Variants in PRKX observed in about 807,000 individuals in gnomAD.
The protein encoded by PRKX is protein kinase cAMP-dependent X-linked catalytic subunit, also known as cAMP-dependent protein kinase catalytic subunit PRKX.
PRKX carries 12 observed loss-of-function variants against 22.0 expected under a neutral mutation model. That is an observed-to-expected ratio of 0.54 (90% CI 0.35 to 0.88). The LOEUF is 0.88. PRKX is among the 40% of genes least tolerant of loss of function. The probability of loss-of-function intolerance (pLI) is 0.01; values close to 1 mark genes in which losing one functional copy is unlikely to be tolerated. For missense variants in PRKX, 217 were observed against 308.0 expected, an observed-to-expected ratio of 0.70 and a Z score of 2.21; for synonymous variants, 134 against 137.7, an observed-to-expected ratio of 0.97 and a Z score of 0.19.
chrX:3,677,424 G>A (rs1927985609), intron 1 of PRKX, among the ~76,000 whole-genome samples: 1 of 105,356 alleles, frequency 9.5e-6, no homozygotes, highest in African/African-American at 3.5e-5. Context: ...TGACCTGCCA[G>A]GCTCAAGTGA....
Position 3,683,491 on chromosome X carries a change from C to T in PRKX, c.167-8725G>A, listed in dbSNP as rs1213304852. Among the ~76,000 whole-genome samples, 6 of 110,632 alleles carry T rather than the reference C, an allele frequency of 5.4e-5. No individual in the cohort carries two copies. The Admixed American group carries it at 5.8e-4, about 11-fold the overall frequency. On this transcript the variant is annotated intron_variant, in intron 1 of 8. Coordinates refer to ENST00000262848, the MANE Select transcript of PRKX (RefSeq NM_005044.5). ...GTCCACAACGCAGAGCCGCCCCAAA[C>T]ATGGGAGAAGACAGAAGTCTTCAAA...
chrX:3,712,428 G>A (rs777323075), intron 1 of PRKX, among the ~76,000 whole-genome samples: 1 of 111,416 alleles, frequency 9.0e-6, no homozygotes. Context: ...CCCATTCGGG[G>A]TTAAGTTCAA....
At chrX:3,671,788 G>C (rs1160533122) in intron 2 of PRKX, among the ~76,000 whole-genome samples, 1 of 110,885 alleles carries the variant, frequency 9.0e-6, no homozygotes, top group Non-Finnish European at 1.9e-5. Flanking sequence ...AGGAGTTTGA[G>C]ACTAGCCTGG....
At chrX:3,704,903 A>G (rs1265664060) in intron 1 of PRKX, among the ~76,000 whole-genome samples, 10 of 111,576 alleles carry the variant, frequency 9.0e-5, no homozygotes, top group Non-Finnish European at 1.9e-4. Context: ...TGAACCTGGG[A>G]GTGCAGGTAT....
At chrX:3,640,444 G>A (rs1161421527) in intron 4 of PRKX, among the ~76,000 whole-genome samples, 2 of 112,148 alleles carry the variant, frequency 1.8e-5, no homozygotes, top group African/African-American at 3.2e-5. Context: ...CGAGGATGAC[G>A]CCCACGTCCT....
chrX:3,689,128 G>A (rs1358630544), intron 1 of PRKX, among the ~76,000 whole-genome samples: 5 of 112,101 alleles, frequency 4.5e-5, no homozygotes, highest in African/African-American at 6.5e-5. Flanking sequence ...TGAAACCGAC[G>A]CATTGCATTA....
rs1363327081 is a variant in PRKX, at chrX:3,606,307, C to T, written c.*2662G>A. ...TTCGTGATCATCCATGCGGACATTT[C>T]GCACCGTGATTGTTTCGTGATCGTC... On this transcript the variant is annotated 3_prime_UTR_variant, in exon 9 of 9. Transcript: ENST00000262848. The T allele has an allele frequency of 4.4e-5, 5 of 112,542 alleles. No homozygotes were observed. Among genetic ancestry groups the T allele is most frequent in the African/African-American group, 1.6e-4 (5 of 31,011 alleles). 9.3% of individuals were successfully genotyped at this position (112,542 alleles called of 1,213,427 possible). A position where few individuals can be genotyped will look rare whatever the true frequency, so the allele number is the denominator to read the frequency against.
intron 1 of PRKX, among the ~76,000 whole-genome samples, chrX:3,696,795 G>A (rs1198951200): frequency 5.4e-5 from 6 of 111,643 alleles, no homozygotes; most frequent in Non-Finnish European, 1.1e-4. Flanking sequence ...CGAGGGAGGC[G>A]GATCACTTGA....
intron 2 of PRKX, among the ~76,000 whole-genome samples, chrX:3,660,350 A>C (rs1165230108): frequency 8.9e-6 from 1 of 112,095 alleles, no homozygotes; most frequent in Non-Finnish European, 1.9e-5. Flanking sequence ...TGAGCTCTTG[A>C]AAATACCATT....
chrX:3,650,303 C>G (rs992824400), intron 3 of PRKX, among the ~76,000 whole-genome samples: 1 of 107,563 alleles, frequency 9.3e-6, no homozygotes, highest in Non-Finnish European at 1.9e-5. Context: ...GGGCGGATCA[C>G]GAGGTCAGGA....
chrX:3,709,816 T>A lies in PRKX; in HGVS notation c.166+3272A>T, dbSNP rs182474201. Among the ~76,000 whole-genome samples, 559 of 110,836 alleles carry A rather than the reference T, an allele frequency of 5.0e-3. 3 individuals carry two copies. The highest frequency in any genetic ancestry group is 0.018 in the African/African-American group (537 of 30,460). The stretch of plus-strand genomic sequence containing the variant: ...CTTATTTTATTTTTTATAGAGAGGA[T>A]CTCGCTCTATCACCCAGGCTGGAGT... On this transcript the variant is annotated intron_variant, in intron 1 of 8. Coordinates refer to ENST00000262848, the MANE Select transcript of PRKX (RefSeq NM_005044.5).
Position 3,674,632 on chromosome X carries a change from G to A in PRKX, c.301C>T (p.Leu101=). ...AGGAACGGGTGGCTGACTTCCTTCA[G>A]GACAGACTTCTCATTGTGTACGTGT... The part of the protein sequence containing the change: ...EQHVHNEKSV[L]KEVSHPFLIR... Residue 101 remains leucine, a synonymous_variant, in exon 2 of 9, where the codon CTG becomes TTG. Transcript: ENST00000262848. 8.3e-7 allele frequency: 1 copy of A among 1,211,752 alleles called. No individual in the cohort carries two copies. The highest frequency in any genetic ancestry group is 1.1e-6 in the Non-Finnish European group (1 of 895,501).
At chrX:3,628,909 C>T (rs1926712994) in intron 4 of PRKX, among the ~76,000 whole-genome samples, 1 of 109,582 alleles carries the variant, frequency 9.1e-6, no homozygotes, top group African/African-American at 3.3e-5. Context: ...GCATGGTCCC[C>T]GGTGCTTGTA....
chrX:3,612,109 G>C, intron 8 of PRKX, 68 bp downstream of exon 8: 3 of 1,039,150 alleles, frequency 2.9e-6, no homozygotes, highest in Non-Finnish European at 3.9e-6. Flanking sequence ...CTCAGTAAAC[G>C]CAGCCTCACC....
chrX:3,612,434 T>C, intron 7 of PRKX, 109 bp from the exon 8 acceptor site: 1 of 863,374 alleles, frequency 1.2e-6, no homozygotes, highest in Non-Finnish European at 1.6e-6. Context: ...GAAAATGATT[T>C]GCAAAACACT....
chrX:3,713,172 G>A lies in PRKX; in HGVS notation c.82C>T (p.Pro28Ser), dbSNP rs770180328. 5.3e-6 allele frequency: 6 copies of A among 1,123,477 alleles called. No homozygotes were observed. The highest frequency in any genetic ancestry group is 7.0e-6 in the Non-Finnish European group (6 of 858,755). 92.6% of individuals were successfully genotyped at this position (1,123,477 alleles called of 1,213,427 possible). A position where few individuals can be genotyped will look rare whatever the true frequency, so the allele number is the denominator to read the frequency against. ...KVAEETPDGA[P>S]ALCPSPEALS... ...GCCTCAGGGCTGGGGCAGAGCGCGG[G>A]CGCCCCGTCGGGGGTCTCCTCCGCC... is the stretch of plus-strand genomic sequence containing the variant. Residue 28 changes from proline (P) to serine (S), a missense_variant, in exon 1 of 9, where the codon CCC becomes TCC. By Grantham distance (74) the Pro-to-Ser change is moderately conservative (BLOSUM62 -1). Transcript: ENST00000262848.
rs184797118 is a variant in PRKX at position 3,703,362 on chromosome X, T to G, written c.166+9726A>C. On this transcript the variant is annotated intron_variant, in intron 1 of 8. Coordinates refer to ENST00000262848, the MANE Select transcript of PRKX (RefSeq NM_005044.5). Reference sequence around the variant, plus strand: ...TCATCTGACAGAAGACATGAAAGGCTGGAAGAACTGCCCAGAGGTGTCCCA... The same window carrying G: ...TCATCTGACAGAAGACATGAAAGGCGGGAAGAACTGCCCAGAGGTGTCCCA... Among the ~76,000 whole-genome samples the G allele has an allele frequency of 3.3e-3, 369 of 112,070 alleles. 1 individual carries two copies. The highest frequency in any genetic ancestry group is 0.011 in the African/African-American group (349 of 30,869).
chrX:3,703,086 A>C (rs1349306255), intron 1 of PRKX, among the ~76,000 whole-genome samples: 7 of 111,284 alleles, frequency 6.3e-5, no homozygotes, highest in Non-Finnish European at 1.3e-4. Context: ...TCATATGGAC[A>C]GTTTTATGTC....
chrX:3,699,087 A>G (rs1345642024), intron 1 of PRKX, among the ~76,000 whole-genome samples: 1 of 102,155 alleles, frequency 9.8e-6, no homozygotes, highest in African/African-American at 3.6e-5. Flanking sequence ...CCCAGGCTGG[A>G]GTACAGCGGC....
Sources: allele counts gnomAD v4.1 joint callset (sites outside exome capture counted in the v4.1 genomes callset), GRCh38; gene constraint gnomAD v4.1.1; transcripts MANE v1.5; gene names NCBI Gene and HGNC (gene_info 2026-07-23, HGNC 2026-07-21).